The following CDH20 variants were observed in gnomAD, a reference collection of about 807,000 sequenced individuals.
CDH20 encodes the protein cadherin-20.
In CDH20, 29 loss-of-function variants were observed where a neutral mutation model predicts 74.2. The ratio of observed to expected loss-of-function variants is 0.39; its 90% CI spans 0.29 to 0.53. The LOEUF is 0.53. CDH20 is among the 20% of genes least tolerant of loss of function. The probability of loss-of-function intolerance (pLI) is 0.69; values close to 1 mark genes in which losing one functional copy is unlikely to be tolerated. For synonymous variants in CDH20, 469 were observed against 405.4 expected, an observed-to-expected ratio of 1.16 and a Z score of -1.88; for missense variants, 988 against 1,048.3, an observed-to-expected ratio of 0.94 and a Z score of 0.79.
intron 1 of CDH20, among the ~76,000 whole-genome samples, chr18:61,423,110 G>A (rs1599074526): frequency 6.6e-6 from 1 of 152,148 alleles, no homozygotes; most frequent in African/African-American, 2.4e-5. Context: ...GGTCCAATGC[G>A]AGAAGAAGAA....
intron 1 of CDH20, among the ~76,000 whole-genome samples, chr18:61,340,751 A>G (rs17068195): frequency 0.019 from 2,840 of 152,326 alleles, 252 homozygotes; most frequent in Admixed American, 0.15. Flanking sequence ...TAAATTGTAC[A>G]TATTATAAAT....
At chr18:61,458,019 T>C (rs749333762) in intron 1 of CDH20, among the ~76,000 whole-genome samples, 40 of 152,288 alleles carry the variant, frequency 2.6e-4, no homozygotes, top group African/African-American at 8.9e-4. Context: ...TACAGCATAA[T>C]GTGTGTGTTT....
intron 10 of CDH20, among the ~76,000 whole-genome samples, chr18:61,546,472 T>A (rs997927752): frequency 2.0e-5 from 3 of 152,204 alleles, no homozygotes; most frequent in Admixed American, 6.5e-5. Flanking sequence ...CAATTAAATA[T>A]CCTGAAGTTT....
chr18:61,501,887 C>T (rs1329894516), intron 4 of CDH20, among the ~76,000 whole-genome samples: 1 of 151,954 alleles, frequency 6.6e-6, no homozygotes, highest in Non-Finnish European at 1.5e-5. Flanking sequence ...TGACAGCTCC[C>T]GGGGGGCATC....
At chr18:61,465,230 T>G (rs1262874826) in intron 1 of CDH20, among the ~76,000 whole-genome samples, 3 of 152,176 alleles carry the variant, frequency 2.0e-5, no homozygotes, top group African/African-American at 7.2e-5. Context: ...CCTTACTTTC[T>G]ACACATATAC....
At position 61,452,035 on chromosome 18, in the gene CDH20, T is replaced by C. The variant is rs115965957; in HGVS notation, c.-152-38367T>C. On this transcript the variant is annotated intron_variant, in intron 1 of 11. Transcript: ENST00000262717. ...ATAGCTTTAAAATACATTTAGTATC[T>C]GGAAGGACAAATACTACTATTTTCC... Among the ~76,000 whole-genome samples, 882 of 152,258 alleles carry C rather than the reference T, an allele frequency of 5.8e-3. 6 individuals carry two copies. Among genetic ancestry groups the C allele is most frequent in the African/African-American group, 0.019 (790 of 41,576 alleles).
intron 6 of CDH20, among the ~76,000 whole-genome samples, chr18:61,518,439 C>T (rs1912081667): frequency 1.4e-5 from 2 of 143,976 alleles, no homozygotes. Flanking sequence ...GCAATCTTTG[C>T]TGTTCTGCAG....
chr18:61,525,695 C>A (rs1272000363), intron 6 of CDH20, among the ~76,000 whole-genome samples: 1 of 151,672 alleles, frequency 6.6e-6, no homozygotes, highest in African/African-American at 2.4e-5. Context: ...AGCAGTAACC[C>A]AACAACAGCA....
At chr18:61,340,226 C>CTTTTTTT (rs59628153) in intron 1 of CDH20, among the ~76,000 whole-genome samples, 3 of 119,736 alleles carry the variant, frequency 2.5e-5, no homozygotes, top group Non-Finnish European at 5.1e-5. Context: ...CTTCAGCCTT[C>CTTTTTTT]TTTTTTTTTT....
chr18:61,403,474 CTT>C (rs1912222928), intron 1 of CDH20, among the ~76,000 whole-genome samples: 1 of 152,188 alleles, frequency 6.6e-6, no homozygotes, highest in African/African-American at 2.4e-5. Context: ...CATATTAGGA[CTT>C]TTGTCTTAAC....
chr18:61,370,876 T>C (rs1390098557), intron 1 of CDH20, among the ~76,000 whole-genome samples: 1 of 152,116 alleles, frequency 6.6e-6, no homozygotes, highest in African/African-American at 2.4e-5. Context: ...ACAAATCAAT[T>C]TTTAAGTCAA....
intron 1 of CDH20, among the ~76,000 whole-genome samples, chr18:61,393,788 T>G (rs1293937612): frequency 2.0e-5 from 3 of 152,222 alleles, no homozygotes; most frequent in Non-Finnish European, 2.9e-5. Context: ...TTTAAAATAA[T>G]ACATCTCAAA....
At chr18:61,479,006 A>G (rs2144273754) in intron 1 of CDH20, among the ~76,000 whole-genome samples, 1 of 152,152 alleles carries the variant, frequency 6.6e-6, no homozygotes. Context: ...CTAACATGTA[A>G]GTGTGTACAC....
At chr18:61,487,463 A>C (rs535419321) in intron 1 of CDH20, among the ~76,000 whole-genome samples, 6 of 152,352 alleles carry the variant, frequency 3.9e-5, no homozygotes, top group Admixed American at 3.9e-4. Flanking sequence ...TCCCTAAGGA[A>C]GTAGAAATAA....
intron 1 of CDH20, among the ~76,000 whole-genome samples, chr18:61,481,440 G>T (rs1395734571): frequency 6.6e-6 from 1 of 152,128 alleles, no homozygotes; most frequent in African/African-American, 2.4e-5. Context: ...AGCTGGAATT[G>T]GTCTTAAACC....
At chr18:61,385,369 C>A (rs866729993) in intron 1 of CDH20, among the ~76,000 whole-genome samples, 1 of 151,984 alleles carries the variant, frequency 6.6e-6, no homozygotes. Context: ...AAATAAATAT[C>A]CATACTTAGG....
chr18:61,406,189 G>A (rs1269690913), intron 1 of CDH20, among the ~76,000 whole-genome samples: 1 of 152,032 alleles, frequency 6.6e-6, no homozygotes, highest in Non-Finnish European at 1.5e-5. Flanking sequence ...TTTTGTTCAA[G>A]TATGAAGGTG....
chr18:61,531,184 G>C (rs1479071850), intron 7 of CDH20, among the ~76,000 whole-genome samples: 4 of 152,232 alleles, frequency 2.6e-5, no homozygotes, highest in Non-Finnish European at 5.9e-5. Context: ...ATCAGAGAGG[G>C]ATTCCCCTCG....
At chr18:61,491,315 T>C (rs1910953184) in intron 2 of CDH20, among the ~76,000 whole-genome samples, 1 of 152,234 alleles carries the variant, frequency 6.6e-6, no homozygotes, top group African/African-American at 2.4e-5. Context: ...AAATGTTATA[T>C]TTGAATTCTC....
Sources: gnomAD v4.1 joint callset for allele counts (sites outside exome capture counted in the v4.1 genomes callset) on GRCh38, gnomAD v4.1.1 for gene constraint, MANE v1.5 for transcripts, NCBI Gene and HGNC (gene_info 2026-07-23, HGNC 2026-07-21) for gene names.